SDK1: variants seen among roughly 807,000 people sequenced by gnomAD.
SDK1 encodes the protein protein sidekick-1.
In SDK1, 157 loss-of-function variants were observed where a neutral mutation model predicts 245.5. That is an observed-to-expected ratio of 0.64 (90% CI 0.56 to 0.73). The LOEUF is 0.73. Among genes scored for constraint, SDK1 ranks in the 30% least tolerant of loss-of-function variants. SDK1 has a pLI of 0.00. For synonymous variants in SDK1, 1,647 were observed against 1,278.5 expected, an observed-to-expected ratio of 1.29 and a Z score of -6.15; for missense variants, 3,583 against 3,002.3, an observed-to-expected ratio of 1.19 and a Z score of -4.52.
intron 4 of SDK1, among the ~76,000 whole-genome samples, chr7:3,755,815 A>G (rs1174191980): frequency 6.6e-6 from 1 of 152,176 alleles, no homozygotes; most frequent in Non-Finnish European, 1.5e-5. Flanking sequence ...TGCATCTGAC[A>G]CATGCATGTT....
At chr7:3,554,258 C>T (rs1779514067) in intron 1 of SDK1, among the ~76,000 whole-genome samples, 2 of 152,040 alleles carry the variant, frequency 1.3e-5, no homozygotes, top group Admixed American at 6.6e-5. Context: ...ACTCTCTGAT[C>T]GTAGTGGAGT....
chr7:3,549,142 C>T lies in SDK1; in HGVS notation c.299-69938C>T, dbSNP rs774188802. 2.0e-5 allele frequency among the ~76,000 whole-genome samples: 3 copies of T among 152,220 alleles called. No individual in the cohort carries two copies. In the South Asian group the frequency reaches 6.2e-4, roughly 32 times the overall value. On this transcript the variant is annotated intron_variant, in intron 1 of 44. Transcript: ENST00000404826. Reference sequence around the variant, plus strand: ...GCGTAAAAAATGAGCTGTGTGAAGGCTTCCTCCTGTCTTTGTTATCTTTCA... The same window carrying T: ...GCGTAAAAAATGAGCTGTGTGAAGGTTTCCTCCTGTCTTTGTTATCTTTCA...
At chr7:3,719,285 C>T (rs1785294625) in intron 4 of SDK1, among the ~76,000 whole-genome samples, 1 of 146,310 alleles carries the variant, frequency 6.8e-6, no homozygotes. Flanking sequence ...TAGACCTAGA[C>T]AGTCTCATTC....
chr7:3,671,840 T>A (rs1264355056), intron 4 of SDK1, among the ~76,000 whole-genome samples: 1 of 152,204 alleles, frequency 6.6e-6, no homozygotes, highest in Non-Finnish European at 1.5e-5. Context: ...ATTTTATAGT[T>A]TTTTCCTTCT....
intron 4 of SDK1, among the ~76,000 whole-genome samples, chr7:3,805,791 A>C (rs1031656795): frequency 1.3e-5 from 2 of 152,216 alleles, no homozygotes; most frequent in Non-Finnish European, 2.9e-5. Context: ...TCCAAAAAAG[A>C]AATATTGTCA....
intron 1 of SDK1, among the ~76,000 whole-genome samples, chr7:3,442,819 A>C (rs1356284953): frequency 6.6e-6 from 1 of 152,138 alleles, no homozygotes; most frequent in Non-Finnish European, 1.5e-5. Context: ...TGTTGAGTGA[A>C]CTGCTTTTGC....
intron 1 of SDK1, among the ~76,000 whole-genome samples, chr7:3,439,718 A>G (rs1222833326): frequency 1.3e-5 from 2 of 152,254 alleles, no homozygotes; most frequent in African/African-American, 2.4e-5. Flanking sequence ...ATAGAACAGA[A>G]AAAACATTGT....
At chr7:3,501,060 TTC>T (rs1782194635) in intron 1 of SDK1, among the ~76,000 whole-genome samples, 1 of 152,214 alleles carries the variant, frequency 6.6e-6, no homozygotes, top group Admixed American at 6.5e-5. Context: ...TTAAAGGCTT[TTC>T]TTAGATGACT....
intron 4 of SDK1, among the ~76,000 whole-genome samples, chr7:3,724,404 C>T (rs934274801): frequency 6.6e-6 from 1 of 152,048 alleles, no homozygotes; most frequent in African/African-American, 2.4e-5. Flanking sequence ...GAGACCCTGT[C>T]TGTACAAAAC....
Position 3,809,744 on chromosome 7 carries a change from G to GC in SDK1, c.714-11705dup, listed in dbSNP as rs371738685. ...TCCAGCCACGAAGACATAATCCTCT[G>GC]CGGGCAGCATCACGTGGAGCGAGGG... On this transcript the variant is annotated intron_variant, in intron 4 of 44. Coordinates refer to ENST00000404826, the MANE Select transcript of SDK1 (RefSeq NM_152744.4). Among the ~76,000 whole-genome samples the GC allele has an allele frequency of 5.8e-3, 886 of 152,284 alleles. 8 individuals carry two copies. Among genetic ancestry groups the GC allele is most frequent in the African/African-American group, 0.02 (827 of 41,552 alleles).
At chr7:4,223,657 G>A (rs1200322462) in intron 40 of SDK1, among the ~76,000 whole-genome samples, 1 of 152,134 alleles carries the variant, frequency 6.6e-6, no homozygotes. Flanking sequence ...TACTCCGGCA[G>A]GACTTCATCC....
At chr7:3,336,504 C>G (rs1248237551) in intron 1 of SDK1, among the ~76,000 whole-genome samples, 3 of 152,188 alleles carry the variant, frequency 2.0e-5, no homozygotes, top group African/African-American at 7.2e-5. Flanking sequence ...TACACTTGAC[C>G]TCTTCCATCC....
rs570136070 is a variant in SDK1 at position 3,703,343 on chromosome 7, A to C, written c.713+61238A>C. ...GGTGAATGAGTCTGAGGGGAATTAC[A>C]CTGAAAAAAAGCCTGACTTGAAAGG... On this transcript the variant is annotated intron_variant, in intron 4 of 44. Coordinates refer to ENST00000404826, the MANE Select transcript of SDK1 (RefSeq NM_152744.4). 2.6e-5 allele frequency among the ~76,000 whole-genome samples: 4 copies of C among 152,350 alleles called. No homozygotes were observed. The East Asian group carries it at 7.7e-4, about 29-fold the overall frequency.
intron 1 of SDK1, among the ~76,000 whole-genome samples, chr7:3,579,879 G>C (rs1043349407): frequency 2.0e-5 from 3 of 152,214 alleles, no homozygotes; most frequent in Non-Finnish European, 4.4e-5. Flanking sequence ...ACACCCAGAG[G>C]TGCCTTGGGT....
chr7:3,479,296 C>T (rs1781437714), intron 1 of SDK1, among the ~76,000 whole-genome samples: 1 of 151,668 alleles, frequency 6.6e-6, no homozygotes, highest in Non-Finnish European at 1.5e-5. Flanking sequence ...GTGGTGTGTG[C>T]CTGTAGTCCC....
In SDK1 at chr7:4,166,532, G is replaced by A. The variant is rs114529396; in HGVS notation, c.4800+4676G>A. 1.2e-3 allele frequency among the ~76,000 whole-genome samples: 187 copies of A among 152,334 alleles called. 2 individuals are homozygous for A. The highest frequency in any genetic ancestry group is 4.0e-3 in the African/African-American group (168 of 41,584). On this transcript the variant is annotated intron_variant, in intron 32 of 44. Coordinates refer to ENST00000404826, the MANE Select transcript of SDK1 (RefSeq NM_152744.4). Reference sequence around the variant, plus strand: ...GCCTGAGGAAAGGCTCACGGGTGACGTCACTGGTGTTTGATGTTGTGTCTC... The same window carrying A: ...GCCTGAGGAAAGGCTCACGGGTGACATCACTGGTGTTTGATGTTGTGTCTC...
At chr7:3,698,527 C>T (rs1006336274) in intron 4 of SDK1, among the ~76,000 whole-genome samples, 27 of 152,232 alleles carry the variant, frequency 1.8e-4, no homozygotes, top group Non-Finnish European at 3.4e-4. Flanking sequence ...TCAGTGGAGG[C>T]GTATAAGGAG....
intron 1 of SDK1, among the ~76,000 whole-genome samples, chr7:3,305,493 T>G (rs1454444825): frequency 6.6e-6 from 1 of 152,204 alleles, no homozygotes; most frequent in Non-Finnish European, 1.5e-5. Flanking sequence ...ACTTGTTTGC[T>G]AGAGTGTTGA....
At chr7:3,318,726 T>C (rs904508631) in intron 1 of SDK1, among the ~76,000 whole-genome samples, 7 of 152,192 alleles carry the variant, frequency 4.6e-5, no homozygotes, top group African/African-American at 1.4e-4. Flanking sequence ...GATGAATATA[T>C]TGACCTAGCA....
Sources: gnomAD v4.1 joint callset for allele counts (sites outside exome capture counted in the v4.1 genomes callset) on GRCh38, gnomAD v4.1.1 for gene constraint, MANE v1.5 for transcripts, NCBI Gene and HGNC (gene_info 2026-07-23, HGNC 2026-07-21) for gene names.